BTF3L4: variants seen among roughly 807,000 people sequenced by gnomAD.
BTF3L4 encodes the protein transcription factor BTF3 homolog 4.
Under a neutral mutation model 16.8 loss-of-function variants are expected in BTF3L4, and 6 were observed. The observed-to-expected ratio is 0.36, with a 90% CI of 0.20 to 0.71. The LOEUF is 0.71. Ranked by LOEUF, BTF3L4 falls within the 30% of genes least tolerant of loss-of-function variation. The probability of loss-of-function intolerance (pLI) is 0.58; values close to 1 mark genes in which losing one functional copy is unlikely to be tolerated. For synonymous variants in BTF3L4, 39 were observed against 59.8 expected, an observed-to-expected ratio of 0.65 and a Z score of 1.60; for missense variants, 92 against 186.9, an observed-to-expected ratio of 0.49 and a Z score of 2.96.
chr1:52,063,112 G>T (rs962179876), intron 2 of BTF3L4, among the ~76,000 whole-genome samples: 2 of 152,122 alleles, frequency 1.3e-5, no homozygotes, highest in East Asian at 3.9e-4. Flanking sequence ...TATTATATGG[G>T]ATACAAATTT....
chr1:52,074,516 A>T (rs1365591225), intron 3 of BTF3L4, among the ~76,000 whole-genome samples: 3 of 152,060 alleles, frequency 2.0e-5, no homozygotes, highest in Non-Finnish European at 4.4e-5. Context: ...GGCATGCACC[A>T]CCATGCCCGG....
intron 5 of BTF3L4, 109 bp from the exon 6 acceptor site, chr1:52,086,603 T>C: frequency 1.6e-6 from 1 of 623,666 alleles, no homozygotes; most frequent in East Asian, 2.8e-5. Context: ...TCAGGCTAAT[T>C]CTGGTTGTAC....
chr1:52,065,852 A>C (rs1248213414), intron 3 of BTF3L4, among the ~76,000 whole-genome samples: 1 of 152,056 alleles, frequency 6.6e-6, no homozygotes, highest in Admixed American at 6.5e-5. Context: ...AGCCTGGCCA[A>C]CATGGTGAAA....
chr1:52,081,089 C>T (rs1014209780), intron 3 of BTF3L4, among the ~76,000 whole-genome samples: 4 of 152,120 alleles, frequency 2.6e-5, no homozygotes, highest in African/African-American at 9.7e-5. Flanking sequence ...CCACCCGCCT[C>T]AGCCTCCCAA....
At chr1:52,056,818 A>G (rs2783191) in intron 1 of BTF3L4, among the ~76,000 whole-genome samples, 140,389 of 152,300 alleles carry the variant, frequency 0.92, 65,573 homozygotes, top group Non-Finnish European at 1. Flanking sequence ...GAACTCAGTT[A>G]CAGCACTCTT....
chr1:52,071,633 T>C (rs1297399123), intron 3 of BTF3L4, among the ~76,000 whole-genome samples: 1 of 152,198 alleles, frequency 6.6e-6, no homozygotes, highest in African/African-American at 2.4e-5. Context: ...AGAGAAAGCT[T>C]AAGGCTGGGA....
intron 3 of BTF3L4, among the ~76,000 whole-genome samples, chr1:52,073,363 T>C (rs1041936990): frequency 2.6e-5 from 4 of 152,108 alleles, no homozygotes; most frequent in African/African-American, 9.6e-5. Context: ...AGAGAAAATG[T>C]CAAGAAGACA....
chr1:52,077,256 T>C (rs1686956582), intron 3 of BTF3L4, among the ~76,000 whole-genome samples: 1 of 152,208 alleles, frequency 6.6e-6, no homozygotes, highest in Non-Finnish European at 1.5e-5. Flanking sequence ...AGTAGGCAAC[T>C]GCTGGCTGGG....
chr1:52,082,041 C>G (rs1052681903), intron 3 of BTF3L4, among the ~76,000 whole-genome samples: 2 of 152,110 alleles, frequency 1.3e-5, no homozygotes, highest in Non-Finnish European at 2.9e-5. Flanking sequence ...TCTAAAGTAG[C>G]CAAGAGTTAA....
rs1255494664 is a variant in BTF3L4 at position 52,086,843 on chromosome 1, A to T, written c.*85A>T. On this transcript the variant is annotated 3_prime_UTR_variant, in exon 6 of 6. Transcript: ENST00000313334. ...AAGTTTTACAGACATGGAGAACATC[A>T]CCTGTTACTAGTTCAGTAATATAAA... 2.8e-6 allele frequency: 2 copies of T among 712,880 alleles called. No homozygotes were observed. The highest frequency in any genetic ancestry group is 3.7e-5 in the African/African-American group (2 of 54,444). The allele number at this position is 712,880 out of a possible 1,614,324, so 44.2% of individuals were successfully genotyped here.
At chr1:52,076,685 G>C (rs1344106836) in intron 3 of BTF3L4, among the ~76,000 whole-genome samples, 1 of 152,142 alleles carries the variant, frequency 6.6e-6, no homozygotes, top group Non-Finnish European at 1.5e-5. Flanking sequence ...TAATGATAGC[G>C]TAAGCTTTAG....
Position 52,087,361 on chromosome 1 carries a change from C to T in BTF3L4, c.*603C>T, listed in dbSNP as rs1643981978. Reference sequence around the variant, plus strand: ...CATGCTGGAGTAATGGGTAACATATCTTTGGTATGGTTGCCTTAGATTAAC... The same window carrying T: ...CATGCTGGAGTAATGGGTAACATATTTTTGGTATGGTTGCCTTAGATTAAC... On this transcript the variant is annotated 3_prime_UTR_variant, in exon 6 of 6. Transcript: ENST00000313334. 1 of 152,226 alleles carries T rather than the reference C, an allele frequency of 6.6e-6. No individual in the cohort carries two copies. The highest frequency in any genetic ancestry group is 1.5e-5 in the Non-Finnish European group (1 of 68,032). The allele number at this position is 152,226 out of a possible 1,614,324, so 9.4% of individuals were successfully genotyped here. A position where few individuals can be genotyped will look rare whatever the true frequency, so the allele number is the denominator to read the frequency against.
At chr1:52,067,747 C>G (rs1405718324) in intron 3 of BTF3L4, among the ~76,000 whole-genome samples, 3 of 152,060 alleles carry the variant, frequency 2.0e-5, no homozygotes, top group African/African-American at 7.2e-5. Flanking sequence ...CTTTGCCTAC[C>G]TTTCTACCCT....
At chr1:52,057,830 G>A (rs1686412250) in intron 1 of BTF3L4, among the ~76,000 whole-genome samples, 1 of 152,162 alleles carries the variant, frequency 6.6e-6, no homozygotes, top group African/African-American at 2.4e-5. Context: ...CTGTTGTCCT[G>A]ACCACCTGGA....
At position 52,064,946 on chromosome 1, in the gene BTF3L4, C is replaced by T. The variant is rs371452200; in HGVS notation, c.168+8C>T. On this transcript the variant is annotated splice_region_variant and intron_variant, in intron 3 of 5. Coordinates refer to ENST00000313334, the MANE Select transcript of BTF3L4 (RefSeq NM_152265.5). ...ATAGCTGGTATTGAAGAGGTATGAT[C>T]ACTTTGCAAGTTGTTAAATTGTGTG... 36 of 1,554,666 alleles carry T rather than the reference C, an allele frequency of 2.3e-5. No homozygotes were observed. Among genetic ancestry groups the T allele is most frequent in the Non-Finnish European group, 3.1e-5 (35 of 1,130,782 alleles).
rs79388862 is a variant in BTF3L4, at chr1:52,058,436, C to G, written c.-13-1399C>G. 7.1e-3 allele frequency among the ~76,000 whole-genome samples: 1,080 copies of G among 152,094 alleles called. 14 individuals are homozygous for G. The highest frequency in any genetic ancestry group is 0.025 in the African/African-American group (1,039 of 41,490). The stretch of plus-strand genomic sequence containing the variant: ...AGTCTTTGATGCTGCTTTTTTTAAT[C>G]TCTCAAATGAAGCAAACAGTATTTT... On this transcript the variant is annotated intron_variant, in intron 1 of 5. Coordinates refer to ENST00000313334, the MANE Select transcript of BTF3L4 (RefSeq NM_152265.5).
chr1:52,061,965 C>A (rs1686522788), intron 2 of BTF3L4, among the ~76,000 whole-genome samples: 1 of 146,176 alleles, frequency 6.8e-6, no homozygotes, highest in African/African-American at 2.5e-5. Context: ...AAGATGGAAT[C>A]TCTCTCTGTC....
chr1:52,059,503 C>T (rs975109609), intron 1 of BTF3L4, among the ~76,000 whole-genome samples: 2 of 152,150 alleles, frequency 1.3e-5, no homozygotes, highest in African/African-American at 2.4e-5. Flanking sequence ...GGCTTGCCTA[C>T]AGAGATTTCA....
At chr1:52,066,586 G>T (rs1013209743) in intron 3 of BTF3L4, among the ~76,000 whole-genome samples, 6 of 148,300 alleles carry the variant, frequency 4.0e-5, no homozygotes, top group African/African-American at 1.5e-4. Context: ...GCTCACACCT[G>T]TAATCCCAGC....
Sources: allele counts gnomAD v4.1 joint callset (sites outside exome capture counted in the v4.1 genomes callset), GRCh38; gene constraint gnomAD v4.1.1; transcripts MANE v1.5; gene names NCBI Gene and HGNC (gene_info 2026-07-23, HGNC 2026-07-21).